The following FTSJ3 variants were observed in gnomAD, a reference collection of about 807,000 sequenced individuals.
The protein encoded by FTSJ3 is FtsJ RNA 2'-O-methyltransferase 3.
In FTSJ3, 46 loss-of-function variants were observed where a neutral mutation model predicts 111.5. The ratio of observed to expected loss-of-function variants is 0.41; its 90% CI spans 0.33 to 0.53. The LOEUF (loss-of-function observed/expected upper bound fraction) is 0.53. Ranked by LOEUF, FTSJ3 falls within the 20% of genes least tolerant of loss-of-function variation. FTSJ3 has a pLI of 0.19. For synonymous variants in FTSJ3, 408 were observed against 383.0 expected (o/e 1.07, Z -0.76); for missense variants, 1,075 against 1,063.8 (o/e 1.01, Z -0.15).
rs774889086 is a variant in FTSJ3, at chr17:63,819,915, C to T, written c.2431G>A (p.Val811Met). Residue 811 changes from valine (V) to methionine (M), a missense_variant, in exon 21 of 21, where the codon GTG (valine) becomes ATG (methionine). By Grantham distance (21) the Val-to-Met change is conservative (BLOSUM62 1). Transcript: ENST00000427159. ...VVAKKGVGRK[V>M]RRPAGVRGHF... ...CCTCTGACTCCAGCTGGCCGGCGCACTTTGCGGCCCACACCTTTTTTGGCT... is the reference window on the plus strand; with the variant it reads ...CCTCTGACTCCAGCTGGCCGGCGCATTTTGCGGCCCACACCTTTTTTGGCT... 6.2e-7 allele frequency: 1 copy of T among 1,614,076 alleles called. No individual in the cohort carries two copies. The highest frequency in any genetic ancestry group is 8.5e-7 in the Non-Finnish European group (1 of 1,180,040).
At position 63,827,304 on chromosome 17, in the gene FTSJ3, C is replaced by G; in HGVS notation, c.-279G>C. 1.4e-6 allele frequency: 1 copy of G among 699,362 alleles called. No individual in the cohort carries two copies. The highest frequency in any genetic ancestry group is 1.8e-5 in the South Asian group (1 of 55,618). 43.3% of individuals were successfully genotyped at this position (699,362 alleles called of 1,614,324 possible). On this transcript the variant is annotated 5_prime_UTR_variant, in exon 1 of 21. Coordinates refer to ENST00000427159, the MANE Select transcript of FTSJ3 (RefSeq NM_017647.4). The stretch of plus-strand genomic sequence containing the variant: ...GGAGGAGTTCTACTCCTTCCTCATC[C>G]CCTTCCAAAGCCCCTGAACTCGAGT...
In FTSJ3 at chr17:63,820,829, G is replaced by GC. The variant is rs760935264; in HGVS notation, c.2072+9dup. The GC allele has an allele frequency of 1.3e-6, 2 of 1,598,516 alleles. No homozygotes were observed. Among genetic ancestry groups the GC allele is most frequent in the Middle Eastern group, 3.3e-4 (2 of 6,020 alleles). ...CTGGGTCACTCTTGATGAGTTTATG[G>GC]CCCCTTTACCGGTTGAAGGAGTTAT... On this transcript the variant is annotated intron_variant, in intron 18 of 20. Transcript: ENST00000427159.
Position 63,826,663 on chromosome 17 carries a change from G to A in FTSJ3, c.77C>T (p.Ser26Phe). The change falls in exon 3 of 21, where the codon TCC (serine) becomes TTC (phenylalanine). Residue 26 changes from serine to phenylalanine, a missense_variant. By Grantham distance (155) the Ser-to-Phe change is radical (BLOSUM62 -2). Transcript: ENST00000427159. ...YHLAKETGYR[S>F]RSAFKLIQLN... ...CTGGATCAGCTTGAAAGCAGATCGG[G>A]AACGGTAACCTGGACAAAACAACCA... 1 of 1,613,770 alleles carries A rather than the reference G, an allele frequency of 6.2e-7. No individual in the cohort carries two copies. Among genetic ancestry groups the A allele is most frequent in the Non-Finnish European group, 8.5e-7 (1 of 1,179,780 alleles).
chr17:63,825,425 G>C lies in FTSJ3; in HGVS notation c.412C>G (p.Leu138Val), dbSNP rs747668148. 12 of 1,614,064 alleles carry C rather than the reference G, an allele frequency of 7.4e-6. No individual in the cohort carries two copies. The highest frequency in any genetic ancestry group is 2.5e-6 in the Non-Finnish European group (3 of 1,180,052). Reference protein sequence around the residue: ...HDAYSQAHLTLMALRLACDFL... With the variant: ...HDAYSQAHLTVMALRLACDFL... ...TCACAAGCCAAACGTAGAGCCATCA[G>C]TGTCAAATGGGCTGTAGGATAGAGA... The change falls in exon 7 of 21, where the codon CTG becomes GTG. Residue 138 changes from leucine (L) to valine (V), a missense_variant. By Grantham distance (32) the Leu-to-Val change is conservative. Coordinates refer to ENST00000427159, the MANE Select transcript of FTSJ3 (RefSeq NM_017647.4).
intron 13 of FTSJ3, 139 bp from the exon 14 acceptor site, chr17:63,822,307 G>T: frequency 1.4e-6 from 1 of 710,678 alleles, no homozygotes; most frequent in Non-Finnish European, 2.3e-6. Context: ...AGATGGGAAA[G>T]CTCAGATCCA....
chr17:63,827,331 G>T lies in FTSJ3; in HGVS notation c.-306C>A. On this transcript the variant is annotated 5_prime_UTR_variant, in exon 1 of 21. Coordinates refer to ENST00000427159, the MANE Select transcript of FTSJ3 (RefSeq NM_017647.4). ...CTTCCAAAGCCCCTGAACTCGAGTA[G>T]CCGCCCCTCCCATCATGGTTCCCTT... is the stretch of plus-strand genomic sequence containing the variant. 1 of 927,376 alleles carries T rather than the reference G, an allele frequency of 1.1e-6. No individual in the cohort carries two copies. Among genetic ancestry groups the T allele is most frequent in the Non-Finnish European group, 1.6e-6 (1 of 607,006 alleles). The allele number at this position is 927,376 out of a possible 1,614,324, so 57.4% of individuals were successfully genotyped here.
In FTSJ3 at chr17:63,827,322, A is replaced by C. The variant is rs1352341794; in HGVS notation, c.-297T>G. 1.2e-6 allele frequency: 1 copy of C among 824,312 alleles called. No individual in the cohort carries two copies. The highest frequency in any genetic ancestry group is 1.9e-6 in the Non-Finnish European group (1 of 516,970). The allele number at this position is 824,312 out of a possible 1,614,324, so 51.1% of individuals were successfully genotyped here. A position where few individuals can be genotyped will look rare whatever the true frequency, so the allele number is the denominator to read the frequency against. On this transcript the variant is annotated 5_prime_UTR_variant, in exon 1 of 21. Coordinates refer to ENST00000427159, the MANE Select transcript of FTSJ3 (RefSeq NM_017647.4). The stretch of plus-strand genomic sequence containing the variant: ...CCTCATCCCCTTCCAAAGCCCCTGA[A>C]CTCGAGTAGCCGCCCCTCCCATCAT...
intron 19 of FTSJ3, 30 bp downstream of exon 19, chr17:63,820,225 C>T (rs370053373): frequency 3.5e-5 from 57 of 1,606,984 alleles, no homozygotes; most frequent in Non-Finnish European, 4.1e-5. Context: ...ACCCCCACCC[C>T]ACCCAATCTC....
rs780822822 is a variant in FTSJ3, at chr17:63,824,142, C to G, written c.1096G>C (p.Glu366Gln). ...TCTGCCAAGGTCTGGTTCAGTTGTT[C>G]CTCCTCCTCCTCTTCCTCCTCCTCC... ...SKEEEEEEEE[E>Q]QLNQTLAEMK... Residue 366 changes from glutamate to glutamine, a missense_variant, in exon 12 of 21, where the codon GAA (glutamate) becomes CAA (glutamine). This residue lies in a region of FTSJ3 where 867 missense variants were observed against 796.9 expected (regional missense o/e 1.09). Transcript: ENST00000427159. The G allele has an allele frequency of 1.2e-6, 2 of 1,613,584 alleles. No homozygotes were observed. The highest frequency in any genetic ancestry group is 8.5e-7 in the Non-Finnish European group (1 of 1,179,638).
Position 63,820,288 on chromosome 17 carries a change from C to T in FTSJ3, c.2223G>A (p.Lys741=). 1 of 1,613,374 alleles carries T rather than the reference C, an allele frequency of 6.2e-7. No homozygotes were observed. The highest frequency in any genetic ancestry group is 8.5e-7 in the Non-Finnish European group (1 of 1,179,918). ...TCTTTCTAGCCTTAGCCTCAGCCAC[C>T]TTCTTGATGGGACGTGCATTGATTT... The part of the protein sequence containing the change: ...WREINARPIK[K]VAEAKARKKR... Residue 741 remains lysine (K), a synonymous_variant, in exon 19 of 21, where the codon AAG becomes AAA. Transcript: ENST00000427159.
chr17:63,822,398 G>A (rs984691052), intron 13 of FTSJ3, among the ~76,000 whole-genome samples: 2 of 152,082 alleles, frequency 1.3e-5, no homozygotes, highest in Admixed American at 6.5e-5. Context: ...TGTCTCAGTG[G>A]TATCACAAAT....
chr17:63,821,812 CT>C lies in FTSJ3; in HGVS notation c.1506del (p.Glu503ArgfsTer76). 1 of 1,614,084 alleles carries C rather than the reference CT, an allele frequency of 6.2e-7. No homozygotes were observed. The highest frequency in any genetic ancestry group is 8.5e-7 in the Non-Finnish European group (1 of 1,180,026). On this transcript the variant is annotated frameshift_variant, in exon 15 of 21. Coordinates refer to ENST00000427159, the MANE Select transcript of FTSJ3 (RefSeq NM_017647.4). LOFTEE classifies it high-confidence loss of function. ...AGTGGATTCTCCTCCTCCTCCTCCTCTTTATCATCTTGCACTTCAGTAAGTC... is the reference window on the plus strand; with the variant it reads ...AGTGGATTCTCCTCCTCCTCCTCCTCTTATCATCTTGCACTTCAGTAAGTC... ...RMRLTEVQDD[K>X]EEEEEENPLL...
chr17:63,825,399 G>A lies in FTSJ3; in HGVS notation c.438C>T (p.Asp146=). 6.2e-7 allele frequency: 1 copy of A among 1,614,220 alleles called. No homozygotes were observed. Among genetic ancestry groups the A allele is most frequent in the South Asian group, 1.1e-5 (1 of 91,090 alleles). Reference sequence around the variant, plus strand: ...TGAAGCTGCCACCACGGGCCAAAAAGTCACAAGCCAAACGTAGAGCCATCA... The same window carrying A: ...TGAAGCTGCCACCACGGGCCAAAAAATCACAAGCCAAACGTAGAGCCATCA... ...LTLMALRLAC[D]FLARGGSFIT... The change falls in exon 7 of 21, where the codon GAC becomes GAT. Residue 146 remains aspartate (D), a synonymous_variant. Coordinates refer to ENST00000427159, the MANE Select transcript of FTSJ3 (RefSeq NM_017647.4).
intron 5 of FTSJ3, 29 bp downstream of exon 5, chr17:63,826,027 G>A (rs776488502): frequency 5.0e-5 from 78 of 1,546,720 alleles, no homozygotes; most frequent in Admixed American, 7.0e-5. Flanking sequence ...TCCGTATAAA[G>A]GGGGAAGGAA....
Position 63,820,412 on chromosome 17 carries a change from T to A in FTSJ3, c.2099A>T (p.Glu700Val), listed in dbSNP as rs748854023. Residue 700 changes from glutamate to valine, a missense_variant, in exon 19 of 21, where the codon GAG (glutamate) becomes GTG (valine). By Grantham distance (121) the Glu-to-Val change is moderately radical. Coordinates refer to ENST00000427159, the MANE Select transcript of FTSJ3 (RefSeq NM_017647.4). ...NRYTFNEDEGELPEWFVQEEK... is the reference protein window; with the variant it reads ...NRYTFNEDEGVLPEWFVQEEK... ...CTCTTGCACAAACCACTCCGGAAGCTCCCCCTCATCCTCATTAAATGTGTA... is the reference window on the plus strand; with the variant it reads ...CTCTTGCACAAACCACTCCGGAAGCACCCCCTCATCCTCATTAAATGTGTA... 2 of 1,613,840 alleles carry A rather than the reference T, an allele frequency of 1.2e-6. No individual in the cohort carries two copies. Among genetic ancestry groups the A allele is most frequent in the East Asian group, 2.2e-5 (1 of 44,880 alleles).
intron 13 of FTSJ3, 114 bp downstream of exon 13, chr17:63,823,703 C>G (rs1246367584): frequency 1.7e-6 from 2 of 1,209,580 alleles, no homozygotes; most frequent in East Asian, 4.7e-5. Flanking sequence ...GTGGTGAAGA[C>G]AGCAACCACA....
In FTSJ3 at chr17:63,824,085, T is replaced by A; in HGVS notation, c.1153A>T (p.Arg385Trp). The A allele has an allele frequency of 6.2e-7, 1 of 1,614,132 alleles. No homozygotes were observed. Among genetic ancestry groups the A allele is most frequent in the Non-Finnish European group, 8.5e-7 (1 of 1,180,018 alleles). Residue 385 changes from arginine to tryptophan, a missense_variant and splice_region_variant, in exon 12 of 21, where the codon AGG becomes TGG. This residue lies in a region of FTSJ3 where 867 missense variants were observed against 796.9 expected (regional missense o/e 1.09). Coordinates refer to ENST00000427159, the MANE Select transcript of FTSJ3 (RefSeq NM_017647.4). Reference protein sequence around the residue: ...MKAQEVAELKRKKKKLLREQR... With the variant: ...MKAQEVAELKWKKKKLLREQR... ...AAGCTCTACCCCAGCTCCTTTCACC[T>A]CTTCAATTCCGCCACCTCCTGGGCC...
intron 13 of FTSJ3, among the ~76,000 whole-genome samples, chr17:63,822,932 A>T (rs917556925): frequency 6.6e-6 from 1 of 152,216 alleles, no homozygotes; most frequent in African/African-American, 2.4e-5. Flanking sequence ...CAGCAAGGAT[A>T]AGTGGTAGTC....
In FTSJ3 at chr17:63,821,420, A is replaced by C. The variant is rs778660673; in HGVS notation, c.1820T>G (p.Leu607Arg). 6.2e-7 allele frequency: 1 copy of C among 1,614,104 alleles called. No homozygotes were observed. Among genetic ancestry groups the C allele is most frequent in the Non-Finnish European group, 8.5e-7 (1 of 1,180,026 alleles). ...GATGCCATCCTTTTCTTCCCCTTCA[A>C]GGCCAGTGGCAGCTTCTGTCCCCGA... is the stretch of plus-strand genomic sequence containing the variant. ...ASSGTEAATG[L>R]EGEEKDGISD... is the part of the protein sequence containing the mutation. Residue 607 changes from leucine (L) to arginine (R), a missense_variant, in exon 16 of 21, where the codon CTT (leucine) becomes CGT (arginine). Leu to Arg is a moderately radical substitution (Grantham distance 102). This residue lies in a region of FTSJ3 where 867 missense variants were observed against 796.9 expected (regional missense o/e 1.09). Coordinates refer to ENST00000427159, the MANE Select transcript of FTSJ3 (RefSeq NM_017647.4).
Sources: gnomAD v4.1 joint callset for allele counts (sites outside exome capture counted in the v4.1 genomes callset) on GRCh38, gnomAD v4.1.1 for gene constraint, gnomAD v4.1.1 regional missense constraint, MANE v1.5 for transcripts, NCBI Gene and HGNC (gene_info 2026-07-23, HGNC 2026-07-21) for gene names.